The following RAB35 variants were observed in gnomAD, a reference collection of about 807,000 sequenced individuals.
RAB35 encodes the protein RAB35, member RAS oncogene family.
A neutral mutation model predicts 28.9 loss-of-function variants in RAB35; 4 were observed. The ratio of observed to expected loss-of-function variants is 0.14; its 90% CI spans 0.07 to 0.32. The LOEUF is 0.32. Ranked by LOEUF, RAB35 falls within the 10% of genes least tolerant of loss-of-function variation. The pLI, the probability that RAB35 is intolerant of heterozygous loss-of-function variation, is 1.00. For missense variants in RAB35, 128 were observed against 274.0 expected (o/e 0.47, Z 3.76); for synonymous variants, 99 against 105.1 (o/e 0.94, Z 0.35).
intron 2 of RAB35, among the ~76,000 whole-genome samples, chr12:120,105,224 C>T (rs1021159197): frequency 6.6e-6 from 1 of 152,174 alleles, no homozygotes; most frequent in Non-Finnish European, 1.5e-5. Context: ...AGGGGAACGA[C>T]ATCCCACTCA....
At chr12:120,107,376 A>AT (rs2139056977) in intron 2 of RAB35, among the ~76,000 whole-genome samples, 2 of 152,246 alleles carry the variant, frequency 1.3e-5, no homozygotes, top group East Asian at 3.9e-4. Flanking sequence ...CTTTTTGCCT[A>AT]TCAGCTCAGC....
At chr12:120,099,906 C>T (rs1378857562) in intron 3 of RAB35, among the ~76,000 whole-genome samples, 1 of 152,214 alleles carries the variant, frequency 6.6e-6, no homozygotes, top group Non-Finnish European at 1.5e-5. Flanking sequence ...TCCGCTTCCC[C>T]GAGAGCTGTC....
chr12:120,104,353 C>T (rs1244201643), intron 2 of RAB35, among the ~76,000 whole-genome samples: 4 of 152,096 alleles, frequency 2.6e-5, no homozygotes, highest in Non-Finnish European at 4.4e-5. Context: ...TTAGGGCCCT[C>T]AAAATTCACT....
chr12:120,107,842 G>A (rs541111915), intron 2 of RAB35, among the ~76,000 whole-genome samples: 1 of 142,150 alleles, frequency 7.0e-6, no homozygotes, highest in South Asian at 2.3e-4. Context: ...ACTCCAGCCT[G>A]GGTGACAGAG....
intron 2 of RAB35, among the ~76,000 whole-genome samples, chr12:120,106,192 T>C (rs1467821771): frequency 2.0e-5 from 3 of 152,066 alleles, no homozygotes; most frequent in Non-Finnish European, 4.4e-5. Flanking sequence ...TGAACACAGA[T>C]TGGGATGGGG....
chr12:120,101,640 T>C (rs1470677399), intron 3 of RAB35, among the ~76,000 whole-genome samples: 1 of 152,198 alleles, frequency 6.6e-6, no homozygotes, highest in Non-Finnish European at 1.5e-5. Context: ...GCGTCGAGAC[T>C]TCCAGTGGCC....
Position 120,096,423 on chromosome 12 carries a change from A to G in RAB35, c.*822T>C. On this transcript the variant is annotated 3_prime_UTR_variant, in exon 6 of 6. Coordinates refer to ENST00000229340, the MANE Select transcript of RAB35 (RefSeq NM_006861.7). ...TTCATTTTCTTGATCTGTTAAAATA[A>G]TCCTCCCATAGCCCCCCTGCCAGCC... 2 of 1,280,142 alleles carry G rather than the reference A, an allele frequency of 1.6e-6. No homozygotes were observed. Among genetic ancestry groups the G allele is most frequent in the Non-Finnish European group, 2.0e-6 (2 of 983,784 alleles). The allele number at this position is 1,280,142 out of a possible 1,614,324, so 79.3% of individuals were successfully genotyped here. A position where few individuals can be genotyped will look rare whatever the true frequency, so the allele number is the denominator to read the frequency against.
chr12:120,102,521 C>T (rs1415883526), intron 3 of RAB35, among the ~76,000 whole-genome samples: 2 of 152,174 alleles, frequency 1.3e-5, no homozygotes, highest in Non-Finnish European at 2.9e-5. Context: ...CCAGGGATTC[C>T]GGGCATCACG....
In RAB35 at chr12:120,103,796, G is replaced by T; in HGVS notation, c.227+30C>A. 6.8e-6 allele frequency: 11 copies of T among 1,612,520 alleles called. No individual in the cohort carries two copies. Among genetic ancestry groups the T allele is most frequent in the Non-Finnish European group, 9.3e-6 (11 of 1,179,224 alleles). On this transcript the variant is annotated intron_variant, in intron 3 of 5. Coordinates refer to ENST00000229340, the MANE Select transcript of RAB35 (RefSeq NM_006861.7). The surrounding 1 kb of genome is among the most constrained non-coding windows in gnomAD (Gnocchi z 6.1). The stretch of plus-strand genomic sequence containing the variant: ...ACTGTGTCCACAGGTCAGTGGCGCG[G>T]GTTGGGTGGGAGTGGGCGTGTGGAC...
chr12:120,103,389 C>G lies in RAB35; in HGVS notation c.227+437G>C, dbSNP rs1465387271. Among the ~76,000 whole-genome samples, 2 of 152,194 alleles carry G rather than the reference C, an allele frequency of 1.3e-5. No individual in the cohort carries two copies. The highest frequency in any genetic ancestry group is 2.9e-5 in the Non-Finnish European group (2 of 68,036). On this transcript the variant is annotated intron_variant, in intron 3 of 5. Transcript: ENST00000229340. The surrounding 1 kb of genome is among the most constrained non-coding windows in gnomAD (Gnocchi z 6.1). ...CAGCGTCACTTCCAAGGCATCAGTG[C>G]AGGTGACGGGAGCCTGCACAGGCCA...
intron 1 of RAB35, among the ~76,000 whole-genome samples, chr12:120,115,016 A>G (rs568422538): frequency 2.6e-5 from 4 of 152,254 alleles, no homozygotes; most frequent in African/African-American, 9.6e-5. Context: ...GAAGAATACC[A>G]AAGGCCATCT....
chr12:120,096,956 A>C lies in RAB35; in HGVS notation c.*289T>G, dbSNP rs1196931518. 7.1e-7 allele frequency: 1 copy of C among 1,415,338 alleles called. No homozygotes were observed. Among genetic ancestry groups the C allele is most frequent in the South Asian group, 1.2e-5 (1 of 82,176 alleles). 87.7% of individuals were successfully genotyped at this position (1,415,338 alleles called of 1,614,324 possible). ...GCGGCCGGGTAGAGCAATATACACT[A>C]TGTACAGACTCTGCGAATCAGTCCG... On this transcript the variant is annotated 3_prime_UTR_variant, in exon 6 of 6. Transcript: ENST00000229340.
intron 1 of RAB35, chr12:120,108,693 TC>T (rs1483458654): frequency 1.5e-6 from 1 of 667,288 alleles, no homozygotes; most frequent in Non-Finnish European, 2.8e-6. Context: ...GACAAGCTGC[TC>T]CCAAATCCCC....
chr12:120,106,936 C>T (rs1199959035), intron 2 of RAB35, among the ~76,000 whole-genome samples: 1 of 151,630 alleles, frequency 6.6e-6, no homozygotes, highest in African/African-American at 2.4e-5. Flanking sequence ...GGGAATTCTC[C>T]ACAAGATAAT....
At chr12:120,108,494 G>A (rs532334709) in intron 1 of RAB35, 27 bp from the exon 2 acceptor site, 12 of 1,610,638 alleles carry the variant, frequency 7.5e-6, no homozygotes, top group South Asian at 4.4e-5. Context: ...ACTGCGATGA[G>A]GGGGGCAGGT....
At chr12:120,107,062 C>A (rs907184903) in intron 2 of RAB35, among the ~76,000 whole-genome samples, 8 of 152,032 alleles carry the variant, frequency 5.3e-5, no homozygotes, top group Non-Finnish European at 1.0e-4. Context: ...CATCTCAGCT[C>A]ACTGCAACCT....
intron 1 of RAB35, among the ~76,000 whole-genome samples, chr12:120,111,596 G>A (rs1876120107): frequency 2.0e-5 from 3 of 152,046 alleles, no homozygotes; most frequent in East Asian, 1.9e-4. Context: ...CAGGAGAATC[G>A]CCTGAACCCA....
chr12:120,096,872 G>A lies in RAB35; in HGVS notation c.*373C>T. ...AAGATGGGCTGGGGAGGGGCGCGGG[G>A]AGGGTCTGTTGCAGCAGGCTGGCAT... On this transcript the variant is annotated 3_prime_UTR_variant, in exon 6 of 6. Transcript: ENST00000229340. 2 of 1,307,080 alleles carry A rather than the reference G, an allele frequency of 1.5e-6. No homozygotes were observed. The highest frequency in any genetic ancestry group is 2.0e-6 in the Non-Finnish European group (2 of 1,000,542). The allele number at this position is 1,307,080 out of a possible 1,614,324, so 81.0% of individuals were successfully genotyped here. A position where few individuals can be genotyped will look rare whatever the true frequency, so the allele number is the denominator to read the frequency against.
intron 1 of RAB35, among the ~76,000 whole-genome samples, chr12:120,114,464 A>C (rs896479102): frequency 6.6e-6 from 1 of 152,220 alleles, no homozygotes; most frequent in Non-Finnish European, 1.5e-5. Flanking sequence ...GAAATCGTTC[A>C]ACATATCTTA....
Sources: gnomAD v4.1 joint callset for allele counts (sites outside exome capture counted in the v4.1 genomes callset) on GRCh38, gnomAD v4.1.1 for gene constraint, Gnocchi (gnomAD v3.1) non-coding constraint, MANE v1.5 for transcripts, NCBI Gene and HGNC (gene_info 2026-07-23, HGNC 2026-07-21) for gene names.